Variants in LINGO2 observed in about 807,000 individuals in gnomAD.
LINGO2 encodes the protein leucine rich repeat and Ig domain containing 2, also known as leucine-rich repeat and immunoglobulin-like domain-containing nogo receptor-interacting protein 2.
In LINGO2, 14 loss-of-function variants were observed where a neutral mutation model predicts 30.6. The ratio of observed to expected loss-of-function variants is 0.46; its 90% confidence interval spans 0.30 to 0.72. The LOEUF is 0.72. Among genes scored for constraint, LINGO2 ranks in the 30% least tolerant of loss-of-function variants. LINGO2 has a pLI of 0.07. For missense variants in LINGO2, 729 were observed against 751.7 expected (o/e 0.97, Z 0.35); for synonymous variants, 317 against 288.5 (o/e 1.10, Z -1.00).
chr9:28,076,456 T>C (rs1825626027), intron 4 of LINGO2, among the ~76,000 whole-genome samples: 2 of 150,250 alleles, frequency 1.3e-5, no homozygotes, highest in Admixed American at 1.3e-4. Flanking sequence ...GCATAGCTTT[T>C]TTATATTTTA....
the LINGO2 span, among the ~76,000 whole-genome samples, chr9:29,162,611 AG>A: frequency 2.0e-5 from 3 of 152,310 alleles, 1 homozygote; most frequent in Middle Eastern, 0.01. Context: ...TGGACAGAAT[AG>A]CCAAGTCATT....
Position 28,329,495 on chromosome 9 carries a change from A to G in LINGO2, c.-245-34129T>C, listed in dbSNP as rs1177669193. Reference sequence around the variant, plus strand: ...TATATACAAGTTTTGCTCCTGTTCAATCTAAAATGCTCATGATAATTGACT... The same window carrying G: ...TATATACAAGTTTTGCTCCTGTTCAGTCTAAAATGCTCATGATAATTGACT... On this transcript the variant is annotated intron_variant, in intron 3 of 5. Transcript: ENST00000379992. This position sits in a 1 kb window ranked among gnomAD's most constrained non-coding sequence, Gnocchi z 4.5. Among the ~76,000 whole-genome samples the G allele has an allele frequency of 6.6e-6, 1 of 152,078 alleles. No individual in the cohort carries two copies. Among genetic ancestry groups the G allele is most frequent in the Non-Finnish European group, 1.5e-5 (1 of 68,006 alleles).
At chr9:28,408,028 G>T (rs1398111272) in intron 2 of LINGO2, among the ~76,000 whole-genome samples, 2 of 152,162 alleles carry the variant, frequency 1.3e-5, no homozygotes, top group Non-Finnish European at 2.9e-5. Context: ...AGACAGAAAA[G>T]AGAAGCAGTC....
chr9:28,306,727 T>TA (rs1415437976), intron 3 of LINGO2, among the ~76,000 whole-genome samples: 1 of 151,706 alleles, frequency 6.6e-6, no homozygotes, highest in African/African-American at 2.4e-5. Flanking sequence ...ATAGACGCAA[T>TA]AAAAAATGAT....
At chr9:28,847,779 A>ATAT in the LINGO2 span, among the ~76,000 whole-genome samples, 18 of 37,024 alleles carry the variant, frequency 4.9e-4, no homozygotes, top group African/African-American at 1.6e-3. Flanking sequence ...GTGTATATAT[A>ATAT]GTATATATAC....
intron 2 of LINGO2, among the ~76,000 whole-genome samples, chr9:28,385,782 G>C (rs1306329727): frequency 6.6e-6 from 1 of 152,086 alleles, no homozygotes; most frequent in East Asian, 1.9e-4. Flanking sequence ...TCTAGGCTTA[G>C]GCACAGATTC....
intron 4 of LINGO2, among the ~76,000 whole-genome samples, chr9:28,175,387 C>T (rs551612890): frequency 1.3e-5 from 2 of 152,196 alleles, no homozygotes; most frequent in East Asian, 3.9e-4. Context: ...CTTTCTTTTT[C>T]TCCTTCCAAA....
At chr9:28,037,583 T>G (rs1823997941) in intron 4 of LINGO2, among the ~76,000 whole-genome samples, 1 of 152,206 alleles carries the variant, frequency 6.6e-6, no homozygotes, top group African/African-American at 2.4e-5. Flanking sequence ...GCATTTTAAT[T>G]TGTTTGTTAT....
the LINGO2 span, among the ~76,000 whole-genome samples, chr9:28,887,349 C>A: frequency 6.6e-6 from 1 of 151,720 alleles, no homozygotes; most frequent in Non-Finnish European, 1.5e-5. Context: ...TCTAACTTGC[C>A]CCTGGTCTTA....
the LINGO2 span, among the ~76,000 whole-genome samples, chr9:29,211,875 G>T: frequency 1.2e-4 from 18 of 152,070 alleles, no homozygotes; most frequent in African/African-American, 4.1e-4. Context: ...TTCCCTTAAA[G>T]CAGCCAAATA....
chr9:28,314,639 A>AT (rs1824766765), intron 3 of LINGO2, among the ~76,000 whole-genome samples: 2 of 152,310 alleles, frequency 1.3e-5, no homozygotes, highest in South Asian at 4.1e-4. Flanking sequence ...CCATCATGTT[A>AT]TTTCACATTA....
rs372567630 is a variant in LINGO2 at position 28,064,424 on chromosome 9, T to C, written c.-86-52019A>G. On this transcript the variant is annotated intron_variant, in intron 4 of 5. Coordinates refer to ENST00000379992, the Ensembl canonical transcript of LINGO2. ...TGGGACGAAGCCAGGCAGGTCTGCA[T>C]TGACGAACCAGCTGGGCTTGTCTCG... 6.9e-4 allele frequency among the ~76,000 whole-genome samples: 105 copies of C among 152,180 alleles called. 1 individual carries two copies. In the South Asian group the frequency reaches 0.02, roughly 29 times the overall value.
chr9:29,040,494 T>C, the LINGO2 span, among the ~76,000 whole-genome samples: 1 of 151,754 alleles, frequency 6.6e-6, no homozygotes, highest in Admixed American at 6.6e-5. Flanking sequence ...GGTTATCTAC[T>C]CCCAATGTTC....
At chr9:27,950,524 C>T (rs140363350) in exon 6 of LINGO2, 42 of 1,575,916 alleles carry the variant, frequency 2.7e-5, no homozygotes, top group Admixed American at 2.7e-4. Flanking sequence ...TCTGGGATGG[C>T]GATCAATCGC....
At chr9:28,005,394 G>T (rs1232122746) in intron 5 of LINGO2, among the ~76,000 whole-genome samples, 1 of 152,168 alleles carries the variant, frequency 6.6e-6, no homozygotes. Context: ...CAGAACAAAT[G>T]AGACAGGATT....
At chr9:29,029,775 CCT>C in the LINGO2 span, among the ~76,000 whole-genome samples, 1 of 152,062 alleles carries the variant, frequency 6.6e-6, no homozygotes, top group Admixed American at 6.6e-5. Flanking sequence ...GCAAGACTCT[CCT>C]CTCTTTTCGA....
rs60875467 is a variant in LINGO2 at position 28,233,061 on chromosome 9, T to TATATATACAA, written c.-87+62146_-87+62147insTTGTATATAT. Among the ~76,000 whole-genome samples the TATATATACAA allele has an allele frequency of 1.7e-3, 203 of 118,808 alleles. 3 individuals carry two copies. Among genetic ancestry groups the TATATATACAA allele is most frequent in the Admixed American group, 2.5e-3 (30 of 11,922 alleles). The allele number at this position is 118,808 out of a possible 152,430, so 77.9% of individuals were successfully genotyped here. A position where few individuals can be genotyped will look rare whatever the true frequency, so the allele number is the denominator to read the frequency against. On this transcript the variant is annotated intron_variant, in intron 4 of 5. Coordinates refer to ENST00000379992, the Ensembl canonical transcript of LINGO2. ...ATATATATATATATATATATATATA[T>TATATATACAA]TAGATATATAATAGATATACAGTAA...
At chr9:28,247,076 G>A (rs992407798) in intron 4 of LINGO2, among the ~76,000 whole-genome samples, 37 of 152,120 alleles carry the variant, frequency 2.4e-4, no homozygotes, top group African/African-American at 8.9e-4. Context: ...AGTCAGAATG[G>A]CAATTATTAA....
chr9:29,150,933 T>C, the LINGO2 span, among the ~76,000 whole-genome samples: 1 of 151,796 alleles, frequency 6.6e-6, no homozygotes, highest in East Asian at 1.9e-4. Context: ...AATATGACCA[T>C]CCACAAGGCA....
Sources: allele counts gnomAD v4.1 joint callset (sites outside exome capture counted in the v4.1 genomes callset), GRCh38; gene constraint gnomAD v4.1.1; non-coding constraint Gnocchi (gnomAD v3.1); transcripts MANE v1.5; gene names NCBI Gene and HGNC (gene_info 2026-07-23, HGNC 2026-07-21).